Variants in USP13 observed in about 807,000 individuals in gnomAD.
The protein encoded by USP13 is ubiquitin specific peptidase 13.
In USP13, 68 loss-of-function variants were observed where a neutral mutation model predicts 107.8. The ratio of observed to expected loss-of-function variants is 0.63; its 90% confidence interval spans 0.52 to 0.77. The LOEUF is 0.77. Ranked by LOEUF, USP13 falls within the 30% of genes least tolerant of loss-of-function variation. The pLI is 0.00. For synonymous variants in USP13, 377 were observed against 389.5 expected (o/e 0.97, Z 0.38); for missense variants, 945 against 1,093.3 (o/e 0.86, Z 1.91).
chr3:179,677,444 G>A (rs945430869), intron 1 of USP13, among the ~76,000 whole-genome samples: 1 of 151,992 alleles, frequency 6.6e-6, no homozygotes, highest in Non-Finnish European at 1.5e-5. Context: ...GCCGGGTGTC[G>A]TGGCGCATGC....
intron 1 of USP13, among the ~76,000 whole-genome samples, chr3:179,655,699 C>T (rs748538410): frequency 3.9e-5 from 6 of 152,088 alleles, no homozygotes; most frequent in Non-Finnish European, 7.4e-5. Flanking sequence ...GGATTACAGG[C>T]GTGTGCCACC....
At chr3:179,743,208 C>T (rs1286521349) in intron 12 of USP13, among the ~76,000 whole-genome samples, 1 of 151,924 alleles carries the variant, frequency 6.6e-6, no homozygotes, top group Non-Finnish European at 1.5e-5. Flanking sequence ...ACATTGAGAA[C>T]ATATGGACAC....
rs1713304026 is a variant in USP13 at position 179,721,214 on chromosome 3, A to G, written c.901-188A>G. Among the ~76,000 whole-genome samples the G allele has an allele frequency of 6.6e-6, 1 of 152,162 alleles. No homozygotes were observed. The highest frequency in any genetic ancestry group is 6.5e-5 in the Admixed American group (1 of 15,274). On this transcript the variant is annotated intron_variant, in intron 7 of 20. Coordinates refer to ENST00000263966, the MANE Select transcript of USP13 (RefSeq NM_003940.3). The surrounding 1 kb of genome is among the most constrained non-coding windows in gnomAD (Gnocchi z 4.3). Reference sequence around the variant, plus strand: ...TTTAAGCGTGCAGTTCTCTGGCATTATGTACATTCACTTTGTTGTGCCACC... The same window carrying G: ...TTTAAGCGTGCAGTTCTCTGGCATTGTGTACATTCACTTTGTTGTGCCACC...
rs1576926141 is a variant in USP13 at position 179,688,099 on chromosome 3, G to GTCCGTCCATCCATCCATCCA, written c.295-2139_295-2138insGTCCATCCATCCATCCATCC. 2.9e-4 allele frequency among the ~76,000 whole-genome samples: 41 copies of GTCCGTCCATCCATCCATCCA among 140,644 alleles called. No individual in the cohort carries two copies. The East Asian group carries it at 8.7e-3, about 30-fold the overall frequency. The allele number at this position is 140,644 out of a possible 152,430, so 92.3% of individuals were successfully genotyped here. A position where few individuals can be genotyped will look rare whatever the true frequency, so the allele number is the denominator to read the frequency against. On this transcript the variant is annotated intron_variant, in intron 2 of 20. Transcript: ENST00000263966. ...AGGATATCCATCCATCCATCCATCC[G>GTCCGTCCATCCATCCATCCA]TCCATCCATCCATCCATCCATCCAT...
At chr3:179,740,147 T>C in intron 10 of USP13, 100 bp from the exon 11 acceptor site, 2 of 1,528,802 alleles carry the variant, frequency 1.3e-6, no homozygotes, top group East Asian at 4.5e-5. Context: ...AGTTTTCTCA[T>C]CTGGAAAGTG....
At chr3:179,723,347 G>A (rs980068875) in intron 8 of USP13, among the ~76,000 whole-genome samples, 1 of 152,152 alleles carries the variant, frequency 6.6e-6, no homozygotes, top group African/African-American at 2.4e-5. Flanking sequence ...TTTCTGCTAA[G>A]CAGTGTGCTG....
intron 17 of USP13, 46 bp from the exon 18 acceptor site, chr3:179,763,950 CAAAAAA>C (rs556912091): frequency 4.5e-4 from 552 of 1,231,078 alleles, no homozygotes; most frequent in East Asian, 8.4e-4. Context: ...TGTTTCAGGA[CAAAAAA>C]AAAAAAAAAA....
chr3:179,730,152 A>T (rs1311988711), intron 8 of USP13, 37 bp from the exon 9 acceptor site: 1 of 1,569,726 alleles, frequency 6.4e-7, no homozygotes, highest in South Asian at 1.2e-5. Flanking sequence ...TTCTTCTTGC[A>T]GTTGCTATGT....
chr3:179,714,417 G>T (rs1269428321), intron 6 of USP13, among the ~76,000 whole-genome samples: 1 of 152,204 alleles, frequency 6.6e-6, no homozygotes, highest in East Asian at 1.9e-4. Flanking sequence ...GGCCCCTGCT[G>T]TGTGCCTCTG....
intron 19 of USP13, among the ~76,000 whole-genome samples, chr3:179,770,777 ATACTGTTTTTAG>A (rs1715320859): frequency 6.6e-6 from 1 of 151,830 alleles, no homozygotes; most frequent in South Asian, 2.1e-4. Flanking sequence ...GCTAATTTTT[ATACTGTTTTTAG>A]TACAGATGGG....
chr3:179,775,293 C>T (rs188803902), intron 19 of USP13, among the ~76,000 whole-genome samples: 35 of 151,808 alleles, frequency 2.3e-4, no homozygotes, highest in African/African-American at 8.0e-4. Flanking sequence ...TAGATGTAAA[C>T]GTTCTCGAAG....
At chr3:179,746,105 A>G (rs888103178) in intron 13 of USP13, among the ~76,000 whole-genome samples, 116 of 151,416 alleles carry the variant, frequency 7.7e-4, no homozygotes, top group Admixed American at 7.4e-3. Flanking sequence ...GATTTTGGCT[A>G]ACATAAAGGG....
intron 19 of USP13, among the ~76,000 whole-genome samples, chr3:179,774,730 C>T (rs1470045566): frequency 6.6e-6 from 1 of 152,222 alleles, no homozygotes; most frequent in African/African-American, 2.4e-5. Context: ...GTTGCCACTG[C>T]TGGCTCGGGC....
intron 1 of USP13, among the ~76,000 whole-genome samples, chr3:179,671,077 A>AC (rs1325009494): frequency 6.6e-6 from 1 of 151,098 alleles, no homozygotes; most frequent in Non-Finnish European, 1.5e-5. Context: ...ACATGTCGAA[A>AC]CCCCGTCTCT....
At chr3:179,728,103 CAGCT>C (rs1713619967) in intron 8 of USP13, among the ~76,000 whole-genome samples, 1 of 41,430 alleles carries the variant, frequency 2.4e-5, no homozygotes, top group African/African-American at 5.3e-5. Flanking sequence ...CCGGACGGGG[CAGCT>C]GGCCGGGCAG....
intron 9 of USP13, 37 bp downstream of exon 9, chr3:179,730,297 A>G: frequency 6.3e-7 from 1 of 1,593,574 alleles, no homozygotes. Flanking sequence ...TTTCTAGAAA[A>G]AGCATCCAAT....
intron 1 of USP13, among the ~76,000 whole-genome samples, chr3:179,671,577 A>G (rs892421910): frequency 6.6e-6 from 1 of 152,144 alleles, no homozygotes; most frequent in African/African-American, 2.4e-5. Flanking sequence ...CAAAAATACT[A>G]TGTACTTATT....
At chr3:179,684,314 TTTTG>T (rs952565481) in intron 2 of USP13, among the ~76,000 whole-genome samples, 2 of 63,766 alleles carry the variant, frequency 3.1e-5, no homozygotes, top group Non-Finnish European at 6.7e-5. Flanking sequence ...CACACACACA[TTTTG>T]TTTGTTTTTT....
Position 179,653,415 on chromosome 3 carries a change from A to G in USP13, c.168+22A>G. The G allele has an allele frequency of 6.5e-7, 1 of 1,543,992 alleles. No individual in the cohort carries two copies. The highest frequency in any genetic ancestry group is 8.8e-7 in the Non-Finnish European group (1 of 1,141,986). On this transcript the variant is annotated intron_variant, in intron 1 of 20. Transcript: ENST00000263966. The surrounding 1 kb of genome is among the most constrained non-coding windows in gnomAD (Gnocchi z 4.0). Reference sequence around the variant, plus strand: ...TCCCGTAAGTGAGGCGCCTCGGGGGAGGGTCGCGGGGCCGGCGGCCTGCGG... The same window carrying G: ...TCCCGTAAGTGAGGCGCCTCGGGGGGGGGTCGCGGGGCCGGCGGCCTGCGG...
Sources: allele counts gnomAD v4.1 joint callset (sites outside exome capture counted in the v4.1 genomes callset), GRCh38; gene constraint gnomAD v4.1.1; non-coding constraint Gnocchi (gnomAD v3.1); transcripts MANE v1.5; gene names NCBI Gene and HGNC (gene_info 2026-07-23, HGNC 2026-07-21).